Variants in ADCY5 observed in about 807,000 individuals in gnomAD.
ADCY5 encodes adenylate cyclase type 5.
A neutral mutation model predicts 119.7 loss-of-function variants in ADCY5; 30 were observed. The observed-to-expected ratio is 0.25, with a 90% confidence interval of 0.19 to 0.34. ADCY5 has a LOEUF of 0.34. Among genes scored for constraint, ADCY5 ranks in the 10% least tolerant of loss-of-function variants. ADCY5 has a pLI of 1.00. For synonymous variants in ADCY5, 753 were observed against 762.2 expected, an observed-to-expected ratio of 0.99 and a Z score of 0.20; for missense variants, 1,324 against 1,775.2, an observed-to-expected ratio of 0.75 and a Z score of 4.57.
intron 1 of ADCY5, among the ~76,000 whole-genome samples, chr3:123,373,824 C>T (rs1465190904): frequency 7.4e-6 from 1 of 134,880 alleles, no homozygotes; most frequent in East Asian, 2.4e-4. Context: ...AGGCTCTGGG[C>T]TGGAGCTTTA....
intron 1 of ADCY5, among the ~76,000 whole-genome samples, chr3:123,397,132 A>C (rs1185505702): frequency 6.6e-6 from 1 of 152,188 alleles, no homozygotes; most frequent in African/African-American, 2.4e-5. Flanking sequence ...AATGGGTGGA[A>C]CTAGGTGGAA....
At chr3:123,347,984 G>A in intron 2 of ADCY5, 81 bp from the exon 3 acceptor site, 1 of 1,561,836 alleles carries the variant, frequency 6.4e-7, no homozygotes, top group East Asian at 2.3e-5. Flanking sequence ...CTGTGCCCCT[G>A]CCTGAGGGCC....
chr3:123,359,354 A>ATATATATATATATATATATATATATATG (rs1943161228), intron 1 of ADCY5, among the ~76,000 whole-genome samples: 3 of 105,752 alleles, frequency 2.8e-5, no homozygotes, highest in Admixed American at 9.0e-5. Context: ...ATATATATAT[A>ATATATATATATATATATATATATATATG]TATATATATT....
intron 11 of ADCY5, among the ~76,000 whole-genome samples, chr3:123,315,786 T>C (rs1940887038): frequency 6.6e-6 from 1 of 152,210 alleles, no homozygotes; most frequent in East Asian, 1.9e-4. Flanking sequence ...ATTTCTGCTG[T>C]GTTGGCCAGG....
chr3:123,448,643 G>T lies in ADCY5; in HGVS notation c.-98C>A. The T allele has an allele frequency of 8.7e-7, 1 of 1,151,626 alleles. No individual in the cohort carries two copies. Among genetic ancestry groups the T allele is most frequent in the African/African-American group, 1.6e-5 (1 of 62,640 alleles). 71.3% of individuals were successfully genotyped at this position (1,151,626 alleles called of 1,614,324 possible). On this transcript the variant is annotated 5_prime_UTR_variant, in exon 1 of 21. Coordinates refer to ENST00000462833, the MANE Select transcript of ADCY5 (RefSeq NM_183357.3). ...ACGGCCGAGCAGGGGGACCAGGCTA[G>T]GGTCACACGTCGGGGGCGGCCCGGG...
chr3:123,416,777 G>A (rs937111281), intron 1 of ADCY5, among the ~76,000 whole-genome samples: 13 of 152,236 alleles, frequency 8.5e-5, no homozygotes, highest in Admixed American at 2.0e-4. Context: ...GAGGGTGGGA[G>A]TGTATTTGTG....
chr3:123,338,588 G>C (rs1393961188), intron 3 of ADCY5, among the ~76,000 whole-genome samples: 1 of 152,232 alleles, frequency 6.6e-6, no homozygotes, highest in Non-Finnish European at 1.5e-5. Context: ...GCTCCCATCT[G>C]AGAGCTCCTC....
rs149011993 is a variant in ADCY5, at chr3:123,285,422, G to A, written c.3658-686C>T. Among the ~76,000 whole-genome samples, 498 of 151,376 alleles carry A rather than the reference G, an allele frequency of 3.3e-3. 1 individual carries two copies. The highest frequency in any genetic ancestry group is 6.8e-3 in the Middle Eastern group (2 of 292). ...ACTAATTTCACTATCCCATTGCTGG[G>A]TGAAAGAGAAGAGTGGTGGGGACAG... On this transcript the variant is annotated intron_variant, in intron 20 of 20. Coordinates refer to ENST00000462833, the MANE Select transcript of ADCY5 (RefSeq NM_183357.3).
At chr3:123,337,142 CACTG>C (rs1255839465) in intron 3 of ADCY5, among the ~76,000 whole-genome samples, 2 of 152,198 alleles carry the variant, frequency 1.3e-5, no homozygotes, top group Non-Finnish European at 2.9e-5. Flanking sequence ...TATTTTTCTC[CACTG>C]ACTATGCTGT....
At chr3:123,305,463 T>C (rs1940148483) in intron 12 of ADCY5, among the ~76,000 whole-genome samples, 1 of 152,192 alleles carries the variant, frequency 6.6e-6, no homozygotes, top group Non-Finnish European at 1.5e-5. Flanking sequence ...GTCGGGCCCT[T>C]GGTCCAGTGT....
chr3:123,285,386 C>T (rs1313330310), intron 20 of ADCY5, among the ~76,000 whole-genome samples: 2 of 152,190 alleles, frequency 1.3e-5, no homozygotes, highest in African/African-American at 2.4e-5. Context: ...AGAGAGCTCA[C>T]CGATGGCCTC....
intron 1 of ADCY5, among the ~76,000 whole-genome samples, chr3:123,371,117 A>G (rs1274822645): frequency 6.6e-6 from 1 of 152,234 alleles, no homozygotes; most frequent in Non-Finnish European, 1.5e-5. Flanking sequence ...CCCAGAGGAA[A>G]GAAGGAGTGA....
At chr3:123,321,921 C>G (rs113007092) in intron 8 of ADCY5, among the ~76,000 whole-genome samples, 3,142 of 152,300 alleles carry the variant, frequency 0.021, 105 homozygotes, top group African/African-American at 0.07. Context: ...GAGCTCCTCC[C>G]GGGCTGCCAG....
In ADCY5 at chr3:123,352,284, G is replaced by A. The variant is rs1041680740; in HGVS notation, c.1284+148C>T. 1.9e-6 allele frequency: 2 copies of A among 1,040,320 alleles called. No individual in the cohort carries two copies. Among genetic ancestry groups the A allele is most frequent in the African/African-American group, 1.6e-5 (1 of 61,742 alleles). 64.4% of individuals were successfully genotyped at this position (1,040,320 alleles called of 1,614,324 possible). A position where few individuals can be genotyped will look rare whatever the true frequency, so the allele number is the denominator to read the frequency against. On this transcript the variant is annotated intron_variant, in intron 2 of 20. Transcript: ENST00000462833. The surrounding 1 kb of genome is among the most constrained non-coding windows in gnomAD (Gnocchi z 4.8). ...GCCTGGAATGCTGGACTCTCTCCAG[G>A]GGAAACATTCCCCATGGGTTGGTCC...
chr3:123,343,101 C>T (rs775079095), intron 3 of ADCY5, among the ~76,000 whole-genome samples: 34 of 152,226 alleles, frequency 2.2e-4, no homozygotes, highest in African/African-American at 8.2e-4. Flanking sequence ...CATTAATACC[C>T]TGTGAAGTCT....
At chr3:123,386,421 C>T (rs947333919) in intron 1 of ADCY5, among the ~76,000 whole-genome samples, 1 of 152,216 alleles carries the variant, frequency 6.6e-6, no homozygotes, top group African/African-American at 2.4e-5. Context: ...TGCCACTCCC[C>T]ACCCATATGT....
intron 1 of ADCY5, among the ~76,000 whole-genome samples, chr3:123,355,835 G>A (rs187555010): frequency 8.6e-5 from 13 of 152,036 alleles, no homozygotes; most frequent in African/African-American, 3.1e-4. Context: ...CACAATCAAA[G>A]CAATGAAAAT....
chr3:123,436,392 A>G (rs996956339), intron 1 of ADCY5, among the ~76,000 whole-genome samples: 1 of 151,718 alleles, frequency 6.6e-6, no homozygotes, highest in Non-Finnish European at 1.5e-5. Context: ...ATTCAAAAAC[A>G]GTAATTTGTC....
rs143535039 is a variant in ADCY5 at position 123,306,263 on chromosome 3, C to T, written c.2443-2080G>A. Among the ~76,000 whole-genome samples, 37 of 152,314 alleles carry T rather than the reference C, an allele frequency of 2.4e-4. No individual in the cohort carries two copies. In the East Asian group the frequency reaches 6.7e-3, roughly 28 times the overall value. On this transcript the variant is annotated intron_variant, in intron 12 of 20. Coordinates refer to ENST00000462833, the MANE Select transcript of ADCY5 (RefSeq NM_183357.3). The stretch of plus-strand genomic sequence containing the variant: ...TTTATGGCCCAATGATTTTGACAAG[C>T]GTTCCAAGACAATGGTGAAAGGACA...
Sources: gnomAD v4.1 joint callset for allele counts (sites outside exome capture counted in the v4.1 genomes callset) on GRCh38, gnomAD v4.1.1 for gene constraint, Gnocchi (gnomAD v3.1) non-coding constraint, MANE v1.5 for transcripts, NCBI Gene and HGNC (gene_info 2026-07-23, HGNC 2026-07-21) for gene names.